The following SNRPC variants were observed in gnomAD, a reference collection of about 807,000 sequenced individuals.
SNRPC encodes small nuclear ribonucleoprotein polypeptide C, also known as U1 small nuclear ribonucleoprotein C.
In SNRPC, 5 loss-of-function variants were observed where a neutral mutation model predicts 20.0. The ratio of observed to expected loss-of-function variants is 0.25; its 90% confidence interval spans 0.13 to 0.53. SNRPC has a LOEUF of 0.53. Ranked by LOEUF, SNRPC falls within the 20% of genes least tolerant of loss-of-function variation. SNRPC has a pLI of 0.96. For synonymous variants in SNRPC, 61 were observed against 58.7 expected, an observed-to-expected ratio of 1.04 and a Z score of -0.18; for missense variants, 112 against 224.1, an observed-to-expected ratio of 0.50 and a Z score of 3.19.
chr6:34,772,141 A>G (rs1402596137), intron 5 of SNRPC, among the ~76,000 whole-genome samples: 1 of 152,194 alleles, frequency 6.6e-6, no homozygotes, highest in Non-Finnish European at 1.5e-5. Context: ...GAGTATAGAT[A>G]AAGTTGTCCA....
chr6:34,759,957 T>C (rs947939117), intron 2 of SNRPC, among the ~76,000 whole-genome samples: 5 of 152,152 alleles, frequency 3.3e-5, no homozygotes, highest in Non-Finnish European at 5.9e-5. Context: ...TCTTGAATAG[T>C]AGCTGGAAGA....
intron 4 of SNRPC, among the ~76,000 whole-genome samples, chr6:34,769,262 C>A (rs1581593093): frequency 1.4e-5 from 2 of 140,414 alleles, no homozygotes; most frequent in African/African-American, 5.4e-5. Flanking sequence ...CAGAGTCTCA[C>A]TCTGTTGCCC....
At chr6:34,766,706 CT>C (rs1764618255) in intron 3 of SNRPC, among the ~76,000 whole-genome samples, 1 of 152,146 alleles carries the variant, frequency 6.6e-6, no homozygotes, top group Admixed American at 6.6e-5. Context: ...TGAGAGAGGC[CT>C]TTTTGATTGA....
intron 3 of SNRPC, among the ~76,000 whole-genome samples, chr6:34,766,177 T>A (rs1217445727): frequency 6.6e-6 from 1 of 152,144 alleles, no homozygotes; most frequent in Non-Finnish European, 1.5e-5. Context: ...CAAAATAATT[T>A]AGGATGAATA....
chr6:34,762,136 T>G (rs992533081), intron 2 of SNRPC, among the ~76,000 whole-genome samples: 1 of 152,078 alleles, frequency 6.6e-6, no homozygotes, highest in Admixed American at 6.6e-5. Context: ...AGACGTCATC[T>G]CTACAAAAAA....
intron 5 of SNRPC, among the ~76,000 whole-genome samples, 167 bp downstream of exon 5, chr6:34,770,562 C>G (rs1048340297): frequency 6.6e-6 from 1 of 152,196 alleles, no homozygotes; most frequent in Non-Finnish European, 1.5e-5. Context: ...AATTAGCTGT[C>G]TAAATGTACT....
At chr6:34,760,361 A>G (rs540789029) in intron 2 of SNRPC, among the ~76,000 whole-genome samples, 1 of 152,116 alleles carries the variant, frequency 6.6e-6, no homozygotes, top group Non-Finnish European at 1.5e-5. Flanking sequence ...GGAGTGAGTC[A>G]CTGTGTCCGG....
At chr6:34,761,920 T>A (rs929061879) in intron 2 of SNRPC, among the ~76,000 whole-genome samples, 2 of 152,096 alleles carry the variant, frequency 1.3e-5, no homozygotes, top group African/African-American at 4.8e-5. Context: ...TCAAACGTGC[T>A]TCCCATTTTA....
At chr6:34,762,163 TC>T (rs1274541518) in intron 2 of SNRPC, among the ~76,000 whole-genome samples, 5 of 152,126 alleles carry the variant, frequency 3.3e-5, no homozygotes, top group Admixed American at 1.3e-4. Context: ...AGTTGGCTGG[TC>T]ATAGTGGCTT....
rs1194339005 is a variant in SNRPC at position 34,764,684 on chromosome 6, A to C, written c.160+1981A>C. Among the ~76,000 whole-genome samples, 130 of 151,800 alleles carry C rather than the reference A, an allele frequency of 8.6e-4. 1 individual carries two copies. Among genetic ancestry groups the C allele is most frequent in the Non-Finnish European group, 1.5e-4 (10 of 67,984 alleles). The stretch of plus-strand genomic sequence containing the variant: ...TCTCAAAAAAATAATAATAATTAAT[A>C]AATAATAAAAAGGCAAAACTATTGT... On this transcript the variant is annotated intron_variant, in intron 3 of 5. Transcript: ENST00000244520.
Position 34,773,710 on chromosome 6 carries a change from G to C in SNRPC, c.*140G>C. ...TGTCCTATGAAAGAGAATAGTTTTG[G>C]AGGGGAGAAGTGGGACAAAAAAGAT... On this transcript the variant is annotated 3_prime_UTR_variant, in exon 6 of 6. Coordinates refer to ENST00000244520, the MANE Select transcript of SNRPC (RefSeq NM_003093.3). This position sits in a 1 kb window ranked among gnomAD's most constrained non-coding sequence, Gnocchi z 4.1. 3.1e-6 allele frequency: 2 copies of C among 637,072 alleles called. No individual in the cohort carries two copies. Among genetic ancestry groups the C allele is most frequent in the Non-Finnish European group, 5.0e-6 (2 of 398,598 alleles). The allele number at this position is 637,072 out of a possible 1,614,324, so 39.5% of individuals were successfully genotyped here.
chr6:34,769,229 C>CTTT (rs11408407), intron 4 of SNRPC, among the ~76,000 whole-genome samples: 8 of 129,090 alleles, frequency 6.2e-5, no homozygotes, highest in Non-Finnish European at 8.1e-5. Flanking sequence ...TTCTTTCTTT[C>CTTT]TTTTTTTTTT....
intron 4 of SNRPC, among the ~76,000 whole-genome samples, chr6:34,769,817 A>T (rs892975958): frequency 1.3e-5 from 2 of 152,090 alleles, no homozygotes; most frequent in African/African-American, 4.8e-5. Context: ...TTCATAGATT[A>T]ATGTGTTATG....
rs921236624 is a variant in SNRPC at position 34,757,789 on chromosome 6, C to T, written c.9-123C>T. 33 of 1,594,742 alleles carry T rather than the reference C, an allele frequency of 2.1e-5. 1 individual carries two copies. In the Admixed American group the frequency reaches 2.3e-4, roughly 11 times the overall value. ...TGTCGACGCTTTGATGCTTTTGAGT[C>T]GTGAGGCGGTCTGGCTTTTTGTTTT... On this transcript the variant is annotated intron_variant, in intron 1 of 5. Transcript: ENST00000244520.
intron 5 of SNRPC, among the ~76,000 whole-genome samples, chr6:34,770,731 C>G (rs1021790808): frequency 1.3e-5 from 2 of 152,168 alleles, no homozygotes; most frequent in Non-Finnish European, 2.9e-5. Flanking sequence ...TTGCCTCATC[C>G]TGGCTTTTGG....
chr6:34,762,139 A>G (rs559621619), intron 2 of SNRPC, among the ~76,000 whole-genome samples: 173 of 152,258 alleles, frequency 1.1e-3, no homozygotes, highest in Non-Finnish European at 2.0e-3. Context: ...CGTCATCTCT[A>G]CAAAAAATTA....
intron 2 of SNRPC, among the ~76,000 whole-genome samples, chr6:34,760,970 C>T (rs1277008557): frequency 6.6e-6 from 1 of 151,446 alleles, no homozygotes; most frequent in African/African-American, 2.4e-5. Flanking sequence ...ATCACTTGAA[C>T]CTGGGAGGGA....
intron 4 of SNRPC, among the ~76,000 whole-genome samples, chr6:34,769,439 C>T (rs1764658808): frequency 6.6e-6 from 1 of 151,870 alleles, no homozygotes; most frequent in African/African-American, 2.4e-5. Context: ...GTGATCTGCC[C>T]GCCTCGGCCT....
At chr6:34,761,418 G>C (rs1764534189) in intron 2 of SNRPC, among the ~76,000 whole-genome samples, 1 of 150,510 alleles carries the variant, frequency 6.6e-6, no homozygotes, top group South Asian at 2.1e-4. Flanking sequence ...GATTATAGGT[G>C]TGAGCCACCG....
Sources: allele counts gnomAD v4.1 joint callset (sites outside exome capture counted in the v4.1 genomes callset), GRCh38; gene constraint gnomAD v4.1.1; non-coding constraint Gnocchi (gnomAD v3.1); transcripts MANE v1.5; gene names NCBI Gene and HGNC (gene_info 2026-07-23, HGNC 2026-07-21).